MREG: variants seen among roughly 807,000 people sequenced by gnomAD.
MREG encodes dilute suppressor protein homolog.
A neutral mutation model predicts 28.5 loss-of-function variants in MREG; 31 were observed. The ratio of observed to expected loss-of-function variants is 1.09; its 90% CI spans 0.82 to 1.47. The LOEUF (loss-of-function observed/expected upper bound fraction) is 1.47, where lower values mean the gene tolerates loss of function less well. MREG is among the 40% of genes most tolerant of loss of function. The pLI is 0.00. For synonymous variants in MREG, 106 were observed against 95.2 expected (o/e 1.11, Z -0.66); for missense variants, 256 against 257.4 (o/e 0.99, Z 0.04).
chr2:215,962,740 T>TA (rs1176393650), intron 2 of MREG, among the ~76,000 whole-genome samples: 1 of 150,226 alleles, frequency 6.7e-6, no homozygotes, highest in Non-Finnish European at 1.5e-5. Context: ...TGTTGTCCAA[T>TA]ACAGCAGCCA....
chr2:215,947,753 C>A (rs534606532), intron 2 of MREG, among the ~76,000 whole-genome samples: 1 of 152,294 alleles, frequency 6.6e-6, no homozygotes, highest in South Asian at 2.1e-4. Flanking sequence ...CAGCAACATT[C>A]TTTTTTATTC....
At chr2:215,955,471 C>T (rs1692599614) in intron 2 of MREG, among the ~76,000 whole-genome samples, 1 of 152,174 alleles carries the variant, frequency 6.6e-6, no homozygotes, top group African/African-American at 2.4e-5. Flanking sequence ...AAGAATATGC[C>T]ATGCTGCTAG....
rs1286657573 is a variant in MREG at position 216,021,219 on chromosome 2, C to T, written c.-68+11570G>A. Reference sequence around the variant, plus strand: ...TTGGAGTGCAGTGATGCAATCTCGGCTCATTGCAACCTCCACCTCCTGGGC... The same window carrying T: ...TTGGAGTGCAGTGATGCAATCTCGGTTCATTGCAACCTCCACCTCCTGGGC... On this transcript the variant is annotated intron_variant, in intron 1 of 3. Transcript: ENST00000420348. Among the ~76,000 whole-genome samples, 6 of 152,264 alleles carry T rather than the reference C, an allele frequency of 3.9e-5. No individual in the cohort carries two copies. In the East Asian group the frequency reaches 1.2e-3, roughly 29 times the overall value.
chr2:215,998,284 G>T (rs1320129336), intron 1 of MREG, among the ~76,000 whole-genome samples: 1 of 146,438 alleles, frequency 6.8e-6, no homozygotes, highest in African/African-American at 2.6e-5. Context: ...CAGTCTGGGC[G>T]ACAAGAGCAA....
At chr2:215,981,947 G>A (rs765688202) in intron 2 of MREG, among the ~76,000 whole-genome samples, 29 of 152,186 alleles carry the variant, frequency 1.9e-4, no homozygotes, top group Middle Eastern at 3.4e-3. Context: ...GATGCTGCTC[G>A]CTGGCCTACA....
intron 2 of MREG, among the ~76,000 whole-genome samples, chr2:215,994,168 C>T (rs959270410): frequency 3.9e-5 from 6 of 151,926 alleles, no homozygotes; most frequent in Non-Finnish European, 5.9e-5. Context: ...AACCCAAATG[C>T]CCATCAATGA....
rs1692444124 is a variant in MREG, at chr2:215,950,017, G to A, written c.256-2904C>T. ...CAGAGCTACACTGTGCTTATTCTCA[G>A]TGAAAATGACCCTGCTTTCTGGACT... On this transcript the variant is annotated intron_variant, in intron 2 of 4. Coordinates refer to ENST00000263268, the MANE Select transcript of MREG (RefSeq NM_018000.3). Among the ~76,000 whole-genome samples, 4 of 152,308 alleles carry A rather than the reference G, an allele frequency of 2.6e-5. No individual in the cohort carries two copies. The South Asian group carries it at 6.2e-4, about 24-fold the overall frequency.
chr2:215,988,976 C>G (rs1693653253), intron 2 of MREG, among the ~76,000 whole-genome samples: 1 of 152,218 alleles, frequency 6.6e-6, no homozygotes, highest in Non-Finnish European at 1.5e-5. Context: ...CTTCAGCAGA[C>G]TTAAATGTTC....
chr2:215,993,544 T>A (rs1020186431), intron 2 of MREG, among the ~76,000 whole-genome samples: 1 of 152,062 alleles, frequency 6.6e-6, no homozygotes, highest in African/African-American at 2.4e-5. Context: ...CCAAAAACAA[T>A]GGCAACAAAA....
rs570797791 is a variant in MREG, at chr2:216,000,235, G to C, written c.96-3770C>G. On this transcript the variant is annotated intron_variant, in intron 1 of 4. Coordinates refer to ENST00000263268, the MANE Select transcript of MREG (RefSeq NM_018000.3). ...ATACTGCAGTGCTTGACTTCTTCTGGGCCAGACAGCCAGCTGACAGTCCCC... is the reference window on the plus strand; with the variant it reads ...ATACTGCAGTGCTTGACTTCTTCTGCGCCAGACAGCCAGCTGACAGTCCCC... 2.2e-4 allele frequency among the ~76,000 whole-genome samples: 34 copies of C among 152,084 alleles called. 3 individuals are homozygous for C. In the South Asian group the frequency reaches 7.1e-3, roughly 32 times the overall value.
intron 2 of MREG, among the ~76,000 whole-genome samples, chr2:215,980,654 G>A (rs1014609663): frequency 6.6e-6 from 1 of 152,152 alleles, no homozygotes; most frequent in South Asian, 2.1e-4. Context: ...TAGAGGCTGG[G>A]CGCAGTGGCT....
upstream of MREG, among the ~76,000 whole-genome samples, chr2:216,033,436 T>C (rs187471057): frequency 6.6e-6 from 1 of 152,142 alleles, no homozygotes; most frequent in East Asian, 1.9e-4. Flanking sequence ...TGGACTCCAG[T>C]GCACTCTAAA....
chr2:215,975,027 T>TATATATATATATATATATATATATATATA (rs1693215993), intron 2 of MREG, among the ~76,000 whole-genome samples: 2 of 144,718 alleles, frequency 1.4e-5, no homozygotes, highest in Non-Finnish European at 3.0e-5. Flanking sequence ...TATATATATA[T>TATATATATATATATATATATATATATATA]GAAATAATAC....
intron 1 of MREG, among the ~76,000 whole-genome samples, chr2:216,024,938 G>A (rs2372686): frequency 0.28 from 31,749 of 113,904 alleles, 4,485 homozygotes; most frequent in East Asian, 0.49. Context: ...GAACGGAAAG[G>A]AAGGGAAAGG....
intron 2 of MREG, among the ~76,000 whole-genome samples, chr2:215,965,353 G>C (rs1451818285): frequency 6.6e-6 from 1 of 152,158 alleles, no homozygotes; most frequent in Non-Finnish European, 1.5e-5. Flanking sequence ...AGCCTCAAAG[G>C]GGAGAAGGCA....
At chr2:215,967,492 G>A (rs1040944598) in intron 2 of MREG, among the ~76,000 whole-genome samples, 1 of 152,196 alleles carries the variant, frequency 6.6e-6, no homozygotes, top group Admixed American at 6.5e-5. Flanking sequence ...ACCCATAAAT[G>A]AAAAAGCTAG....
chr2:216,022,173 C>T (rs971451829), intron 1 of MREG, among the ~76,000 whole-genome samples: 2 of 152,112 alleles, frequency 1.3e-5, no homozygotes, highest in African/African-American at 4.8e-5. Flanking sequence ...ATCACTTGAA[C>T]TTGGGAGGTG....
intron 2 of MREG, among the ~76,000 whole-genome samples, chr2:215,960,789 G>A (rs986755185): frequency 2.6e-5 from 4 of 151,952 alleles, no homozygotes; most frequent in East Asian, 3.9e-4. Context: ...AGTTGAGATC[G>A]GGCCACTGCA....
rs185718549 is a variant in MREG, at chr2:215,988,996, G to A, written c.255+7310C>T. On this transcript the variant is annotated intron_variant, in intron 2 of 4. Transcript: ENST00000263268. ...GCAGACTTAAATGTTCCTGCCTGCC[G>A]GCTCTGAAGAGAGCAGTGGATCTCC... 3.1e-3 allele frequency among the ~76,000 whole-genome samples: 479 copies of A among 152,308 alleles called. 1 individual carries two copies. The highest frequency in any genetic ancestry group is 0.01 in the Middle Eastern group (3 of 294).
Sources: gnomAD v4.1 joint callset for allele counts (sites outside exome capture counted in the v4.1 genomes callset) on GRCh38, gnomAD v4.1.1 for gene constraint, MANE v1.5 for transcripts, NCBI Gene and HGNC (gene_info 2026-07-23, HGNC 2026-07-21) for gene names.